The following DIS3L2 variants were observed in gnomAD, a reference collection of about 807,000 sequenced individuals.
The protein encoded by DIS3L2 is DIS3 like 3'-5' exoribonuclease 2, also known as DIS3-like exonuclease 2.
DIS3L2 carries 34 observed loss-of-function variants against 97.5 expected under a neutral mutation model. The observed-to-expected ratio is 0.35, with a 90% CI of 0.27 to 0.46. DIS3L2 has a LOEUF of 0.46. DIS3L2 is among the 20% of genes least tolerant of loss of function. The pLI is 1.00. For synonymous variants in DIS3L2, 435 were observed against 445.2 expected, an observed-to-expected ratio of 0.98 and a Z score of 0.29; for missense variants, 1,038 against 1,146.0, an observed-to-expected ratio of 0.91 and a Z score of 1.36.
At position 232,293,912 on chromosome 2, in the gene DIS3L2, G is replaced by A. The variant is rs1694661751; in HGVS notation, c.1660-6128G>A. On this transcript the variant is annotated intron_variant, in intron 13 of 20. Transcript: ENST00000325385. The surrounding 1 kb of genome is among the most constrained non-coding windows in gnomAD (Gnocchi z 4.6). ...AGCCAAGGGAGTAGGAAGATACATT[G>A]TGTGTCAGTGTCCTTAGGAGAAGCA... 1.3e-5 allele frequency among the ~76,000 whole-genome samples: 2 copies of A among 152,232 alleles called. No homozygotes were observed. The highest frequency in any genetic ancestry group is 4.1e-4 in the South Asian group (2 of 4,838).
At chr2:232,031,675 T>C (rs1694807998) in intron 5 of DIS3L2, among the ~76,000 whole-genome samples, 1 of 151,834 alleles carries the variant, frequency 6.6e-6, no homozygotes, top group Non-Finnish European at 1.5e-5. Flanking sequence ...ACAAGCCCCA[T>C]TGTATGTGAT....
chr2:232,080,770 G>A (rs10190969), intron 5 of DIS3L2, among the ~76,000 whole-genome samples: 17,793 of 151,700 alleles, frequency 0.12, 2,496 homozygotes, highest in African/African-American at 0.34. Flanking sequence ...GTATGGTGGC[G>A]TGTGCCTGTA....
At chr2:232,081,000 TATAGGCTTACCC>T (rs1306897218) in intron 5 of DIS3L2, among the ~76,000 whole-genome samples, 1 of 152,178 alleles carries the variant, frequency 6.6e-6, no homozygotes, top group Non-Finnish European at 1.5e-5. Flanking sequence ...TATTTTAATC[TATAGGCTTACCC>T]TTTTTTCTTG....
intron 5 of DIS3L2, among the ~76,000 whole-genome samples, chr2:232,070,653 C>T (rs1176193329): frequency 6.6e-6 from 1 of 151,174 alleles, no homozygotes; most frequent in African/African-American, 2.4e-5. Flanking sequence ...GGCGCCATCT[C>T]CAGTCACTGC....
chr2:231,978,410 T>C (rs1426247922), intron 1 of DIS3L2: 1 of 152,230 alleles, frequency 6.6e-6, no homozygotes, highest in Non-Finnish European at 1.5e-5. Flanking sequence ...AGTGCAGATA[T>C]TTTTATGTGA....
At chr2:232,022,721 T>C (rs931630230) in intron 3 of DIS3L2, among the ~76,000 whole-genome samples, 1 of 152,238 alleles carries the variant, frequency 6.6e-6, no homozygotes, top group African/African-American at 2.4e-5. Context: ...AGAGACTGTC[T>C]GTTGTTAGTC....
rs1391870985 is a variant in DIS3L2, at chr2:232,325,099, C to G, written c.1740-4714C>G. 1.3e-5 allele frequency among the ~76,000 whole-genome samples: 2 copies of G among 152,230 alleles called. No individual in the cohort carries two copies. Among genetic ancestry groups the G allele is most frequent in the Non-Finnish European group, 2.9e-5 (2 of 68,044 alleles). On this transcript the variant is annotated intron_variant, in intron 14 of 20. Transcript: ENST00000325385. This position sits in a 1 kb window ranked among gnomAD's most constrained non-coding sequence, Gnocchi z 4.6. ...GGCAGGCTTCCTCTGAAGAGCAGATCGCTTTACCCCTTTCTCATCTCATCA... is the reference window on the plus strand; with the variant it reads ...GGCAGGCTTCCTCTGAAGAGCAGATGGCTTTACCCCTTTCTCATCTCATCA...
rs1574999351 is a variant in DIS3L2, at chr2:232,293,408, A to G, written c.1660-6632A>G. Among the ~76,000 whole-genome samples the G allele has an allele frequency of 6.6e-6, 1 of 152,196 alleles. No individual in the cohort carries two copies. The highest frequency in any genetic ancestry group is 1.5e-5 in the Non-Finnish European group (1 of 68,028). On this transcript the variant is annotated intron_variant, in intron 13 of 20. Transcript: ENST00000325385. The surrounding 1 kb of genome is among the most constrained non-coding windows in gnomAD (Gnocchi z 4.6). ...GCCACCCTTGGATTCTCTGGGGGAA[A>G]TACCTCTGGCATTCCAGCGAAGGGG...
At chr2:232,229,049 G>A (rs980560889) in intron 10 of DIS3L2, among the ~76,000 whole-genome samples, 1 of 152,132 alleles carries the variant, frequency 6.6e-6, no homozygotes, top group Non-Finnish European at 1.5e-5. Context: ...TTTTTATTCT[G>A]CTCTTTCTTA....
At chr2:232,042,396 C>G (rs1028692417) in intron 5 of DIS3L2, among the ~76,000 whole-genome samples, 3 of 151,546 alleles carry the variant, frequency 2.0e-5, no homozygotes, top group Non-Finnish European at 4.4e-5. Context: ...TTGGATTGTT[C>G]TCAATTCCAG....
chr2:232,336,142 G>A (rs761906052), intron 20 of DIS3L2: 7 of 1,536,004 alleles, frequency 4.6e-6, no homozygotes, highest in Admixed American at 2.0e-5. Flanking sequence ...GCCTTCTAGG[G>A]TCCTTTAGAG....
At chr2:231,967,225 G>T (rs968494433) in intron 1 of DIS3L2, among the ~76,000 whole-genome samples, 27 of 152,180 alleles carry the variant, frequency 1.8e-4, no homozygotes, top group Non-Finnish European at 2.8e-4. Flanking sequence ...ACACGGAGAG[G>T]TTGTGTGACC....
chr2:232,002,188 T>C (rs1224616036), intron 1 of DIS3L2, among the ~76,000 whole-genome samples: 4 of 152,212 alleles, frequency 2.6e-5, no homozygotes, highest in Non-Finnish European at 5.9e-5. Flanking sequence ...ATAGTAAATG[T>C]GCTTTTTTAT....
chr2:232,303,498 A>G (rs1694915021), intron 14 of DIS3L2, among the ~76,000 whole-genome samples: 2 of 152,256 alleles, frequency 1.3e-5, no homozygotes, highest in African/African-American at 2.4e-5. Flanking sequence ...ACAACTGATT[A>G]TTGAAACTAC....
chr2:232,263,564 A>C, intron 13 of DIS3L2, 124 bp downstream of exon 13: 1 of 925,184 alleles, frequency 1.1e-6, no homozygotes, highest in East Asian at 2.6e-5. Context: ...ACCACACTAA[A>C]ATCATGTTCT....
chr2:232,275,544 TA>T (rs57993972), intron 13 of DIS3L2, among the ~76,000 whole-genome samples: 1,794 of 152,356 alleles, frequency 0.012, 17 homozygotes, highest in Non-Finnish European at 0.017. Flanking sequence ...CCCACATTTT[TA>T]AAAGAGTGAT....
chr2:232,013,107 G>A (rs191233853), intron 1 of DIS3L2, among the ~76,000 whole-genome samples: 1 of 152,252 alleles, frequency 6.6e-6, no homozygotes, highest in African/African-American at 2.4e-5. Flanking sequence ...GTTGCTAGAT[G>A]GTGCCACTTT....
chr2:231,973,170 T>G (rs1692971848), intron 1 of DIS3L2, among the ~76,000 whole-genome samples: 1 of 152,192 alleles, frequency 6.6e-6, no homozygotes, highest in Admixed American at 6.5e-5. Flanking sequence ...TAGAAAAGTT[T>G]TTAACTGCAA....
intron 10 of DIS3L2, among the ~76,000 whole-genome samples, chr2:232,233,489 A>G (rs1692851600): frequency 6.6e-6 from 1 of 152,150 alleles, no homozygotes; most frequent in Non-Finnish European, 1.5e-5. Flanking sequence ...TTGAATTTCA[A>G]CCTGTGAATT....
Sources: allele counts gnomAD v4.1 joint callset (sites outside exome capture counted in the v4.1 genomes callset), GRCh38; gene constraint gnomAD v4.1.1; non-coding constraint Gnocchi (gnomAD v3.1); transcripts MANE v1.5; gene names NCBI Gene and HGNC (gene_info 2026-07-23, HGNC 2026-07-21).